BMPER: variants seen among roughly 807,000 people sequenced by gnomAD.
BMPER encodes BMP binding endothelial regulator, also known as BMP-binding endothelial regulator protein.
Under a neutral mutation model 87.3 loss-of-function variants are expected in BMPER, and 45 were observed. That is an observed-to-expected ratio of 0.52 (90% CI 0.41 to 0.66). The LOEUF is 0.66. BMPER is among the 30% of genes least tolerant of loss of function. The pLI is 0.00. For missense variants in BMPER, 784 were observed against 867.5 expected, an observed-to-expected ratio of 0.90 and a Z score of 1.21; for synonymous variants, 326 against 316.2, an observed-to-expected ratio of 1.03 and a Z score of -0.33.
chr7:33,999,768 A>T (rs1786527286), intron 6 of BMPER, among the ~76,000 whole-genome samples: 1 of 152,180 alleles, frequency 6.6e-6, no homozygotes, highest in Admixed American at 6.5e-5. Flanking sequence ...GAGGCTTGGG[A>T]ATGATGACAA....
intron 6 of BMPER, among the ~76,000 whole-genome samples, chr7:34,036,323 T>C (rs1408556241): frequency 6.6e-6 from 1 of 152,194 alleles, no homozygotes; most frequent in African/African-American, 2.4e-5. Context: ...TGGGCAGCAG[T>C]TGAGAAACAT....
intron 13 of BMPER, among the ~76,000 whole-genome samples, chr7:34,106,726 C>T (rs911680180): frequency 6.6e-6 from 1 of 152,218 alleles, no homozygotes; most frequent in Non-Finnish European, 1.5e-5. Context: ...ATTCCAAATT[C>T]TTTAACTTGA....
At chr7:34,134,442 C>T (rs536581371) in intron 13 of BMPER, among the ~76,000 whole-genome samples, 28 of 152,102 alleles carry the variant, frequency 1.8e-4, no homozygotes, top group Non-Finnish European at 3.8e-4. Context: ...GCAAGATTTG[C>T]CGGGCTCTGC....
chr7:34,037,785 A>T (rs938818117), intron 6 of BMPER, among the ~76,000 whole-genome samples: 1 of 152,244 alleles, frequency 6.6e-6, no homozygotes, highest in Admixed American at 6.5e-5. Context: ...GAATAAGACG[A>T]AAACATTGGA....
At chr7:34,028,628 T>TTTTTTTTTTTTTTTTA in intron 6 of BMPER, among the ~76,000 whole-genome samples, 2 of 134,604 alleles carry the variant, frequency 1.5e-5, no homozygotes. Context: ...TTTTTTTTTT[T>TTTTTTTTTTTTTTTTA]TTTTTGTAGC....
At chr7:33,921,923 C>G in intron 2 of BMPER, 2 of 458,934 alleles carry the variant, frequency 4.4e-6, no homozygotes, top group South Asian at 3.1e-5. Flanking sequence ...CACTTCACCC[C>G]AACCCCTTCG....
intron 6 of BMPER, among the ~76,000 whole-genome samples, chr7:34,010,122 T>A (rs1786839627): frequency 1.3e-5 from 2 of 151,942 alleles, no homozygotes; most frequent in Middle Eastern, 3.2e-3. Context: ...TCTTCTCACC[T>A]CCAGGACTCA....
chr7:34,090,490 T>C (rs1433530814), intron 13 of BMPER, among the ~76,000 whole-genome samples: 3 of 152,074 alleles, frequency 2.0e-5, no homozygotes, highest in Admixed American at 2.0e-4. Context: ...TCTCTGGAGA[T>C]CCTTAGCAGC....
intron 14 of BMPER, among the ~76,000 whole-genome samples, chr7:34,149,808 T>G (rs972081249): frequency 1.4e-5 from 2 of 142,742 alleles, no homozygotes; most frequent in African/African-American, 5.1e-5. Context: ...AGGGAACTGC[T>G]TCAGTCAAGG....
At chr7:34,122,884 G>T (rs59915958) in intron 13 of BMPER, among the ~76,000 whole-genome samples, 25,952 of 152,088 alleles carry the variant, frequency 0.17, 2,404 homozygotes, top group Non-Finnish European at 0.2. Context: ...CAAAGGTCAG[G>T]GGGAAGATAT....
At chr7:34,029,939 AG>A (rs1787478651) in intron 6 of BMPER, among the ~76,000 whole-genome samples, 1 of 152,084 alleles carries the variant, frequency 6.6e-6, no homozygotes, top group Non-Finnish European at 1.5e-5. Flanking sequence ...AGACATTGGT[AG>A]GGTGACCTGG....
rs1583488674 is a variant in BMPER, at chr7:34,154,051, T to C, written c.*778T>C. On this transcript the variant is annotated 3_prime_UTR_variant, in exon 15 of 15. Coordinates refer to ENST00000649409, the MANE Select transcript of BMPER (RefSeq NM_001365308.1). ...AGGGTGTCTGGATGCCATGTTAATT[T>C]TATTGAGCATGAGAAAGTATTTGAA... The C allele has an allele frequency of 6.6e-6, 1 of 152,660 alleles. No individual in the cohort carries two copies. The highest frequency in any genetic ancestry group is 1.5e-5 in the Non-Finnish European group (1 of 68,048). 9.5% of individuals were successfully genotyped at this position (152,660 alleles called of 1,614,324 possible).
At chr7:34,122,409 AG>A (rs1195642666) in intron 13 of BMPER, among the ~76,000 whole-genome samples, 2 of 152,276 alleles carry the variant, frequency 1.3e-5, no homozygotes, top group East Asian at 3.9e-4. Flanking sequence ...GCGGCTCAAT[AG>A]GTTTTAGGTA....
chr7:34,089,948 T>C (rs897219041), intron 13 of BMPER, among the ~76,000 whole-genome samples: 3 of 152,052 alleles, frequency 2.0e-5, no homozygotes, highest in African/African-American at 7.3e-5. Flanking sequence ...TTTTCTGTTT[T>C]GGGAATTTTT....
intron 2 of BMPER, among the ~76,000 whole-genome samples, chr7:33,916,407 A>G (rs1784087588): frequency 6.6e-6 from 1 of 152,240 alleles, no homozygotes; most frequent in South Asian, 2.1e-4. Flanking sequence ...ACAAGTGACC[A>G]GTGGGCCTGC....
intron 11 of BMPER, among the ~76,000 whole-genome samples, chr7:34,070,953 G>A (rs919598300): frequency 6.6e-6 from 1 of 151,846 alleles, no homozygotes; most frequent in African/African-American, 2.4e-5. Flanking sequence ...GTAAATCTCA[G>A]GCCAATTTAT....
At chr7:33,925,225 T>C (rs80288213) in intron 2 of BMPER, among the ~76,000 whole-genome samples, 1 of 152,214 alleles carries the variant, frequency 6.6e-6, no homozygotes, top group Admixed American at 6.5e-5. Context: ...TTGGGTTTAA[T>C]TTTTTGATTT....
intron 6 of BMPER, among the ~76,000 whole-genome samples, chr7:33,981,861 A>C (rs1023958360): frequency 2.6e-5 from 4 of 152,182 alleles, no homozygotes; most frequent in African/African-American, 9.7e-5. Context: ...AATGTGAATG[A>C]CTTCCCTGAG....
chr7:34,086,235 A>T (rs979997349), intron 13 of BMPER, 143 bp downstream of exon 13: 4 of 963,766 alleles, frequency 4.2e-6, no homozygotes, highest in Admixed American at 2.2e-5. Flanking sequence ...CCAGGAGCTG[A>T]TCTCATCTTG....
Sources: allele counts gnomAD v4.1 joint callset (sites outside exome capture counted in the v4.1 genomes callset), GRCh38; gene constraint gnomAD v4.1.1; transcripts MANE v1.5; gene names NCBI Gene and HGNC (gene_info 2026-07-23, HGNC 2026-07-21).